The following WDR90 variants were observed in gnomAD, a reference collection of about 807,000 sequenced individuals.
The protein encoded by WDR90 is WD repeat domain 90.
WDR90 carries 238 observed loss-of-function variants against 195.2 expected under a neutral mutation model. The ratio of observed to expected loss-of-function variants is 1.22; its 90% CI spans 1.10 to 1.36. The LOEUF (loss-of-function observed/expected upper bound fraction) is 1.36. Ranked by LOEUF, WDR90 falls within the 40% of genes most tolerant of loss-of-function variation. The pLI is 0.00. For missense variants in WDR90, 2,734 were observed against 2,439.5 expected, an observed-to-expected ratio of 1.12 and a Z score of -2.54; for synonymous variants, 1,265 against 1,052.4, an observed-to-expected ratio of 1.20 and a Z score of -3.91.
At chr16:660,279 T>C (rs959333630) in intron 27 of WDR90, 118 bp downstream of exon 27, 2 of 961,162 alleles carry the variant, frequency 2.1e-6, no homozygotes, top group South Asian at 1.7e-5. Context: ...GCTCTGGCCC[T>C]TGGGCGCCTG....
intron 33 of WDR90, 142 bp from the exon 34 acceptor site, chr16:662,537 G>C (rs1040567938): frequency 6.9e-6 from 9 of 1,298,260 alleles, no homozygotes; most frequent in Non-Finnish European, 9.4e-6. Flanking sequence ...AGCTCCATGG[G>C]CTTTCTCTTC....
chr16:657,194 C>T lies in WDR90; in HGVS notation c.2446C>T (p.Pro816Ser). The T allele has an allele frequency of 1.9e-6, 3 of 1,554,502 alleles. No individual in the cohort carries two copies. Among genetic ancestry groups the T allele is most frequent in the East Asian group, 2.4e-5 (1 of 41,200 alleles). The part of the protein sequence containing the change: ...GSLAQYSCAD[P>S]QWHVLRVAAD... ...CCTGGCCCAGTACAGCTGTGCGGAC[C>T]CCCAGTGGCATGTCCTCCGAGTGGC... Residue 816 changes from proline to serine, a missense_variant, in exon 20 of 41, where the codon CCC becomes TCC. Pro to Ser is a moderately conservative substitution (Grantham distance 74). Transcript: ENST00000293879.
In WDR90 at chr16:658,611, C is replaced by T. The variant is rs1340141809; in HGVS notation, c.2853C>T (p.Ile951=). Residue 951 remains isoleucine, a synonymous_variant, in exon 23 of 41, where the codon ATC becomes ATT. Transcript: ENST00000293879. The part of the protein sequence containing the change: ...RFLLIAAGRT[I]KVWDYATQAS... ...TGCTGATTGCCGCCGGCCGGACCAT[C>T]AAGGTGTGGGACTACGCCACACAGG... is the stretch of plus-strand genomic sequence containing the variant. 4 of 1,612,704 alleles carry T rather than the reference C, an allele frequency of 2.5e-6. No individual in the cohort carries two copies.
chr16:649,511 C>T (rs2037594587), intron 1 of WDR90, 85 bp downstream of exon 1: 7 of 1,261,090 alleles, frequency 5.6e-6, no homozygotes, highest in Non-Finnish European at 7.0e-6. Flanking sequence ...GCTCAGGGCC[C>T]CCGCCTAGGC....
rs905211007 is a variant in WDR90 at position 656,292 on chromosome 16, C to G, written c.1967-10C>G. 1.2e-6 allele frequency: 2 copies of G among 1,601,706 alleles called. No homozygotes were observed. The highest frequency in any genetic ancestry group is 1.7e-6 in the Non-Finnish European group (2 of 1,175,036). On this transcript the variant is annotated splice_polypyrimidine_tract_variant and intron_variant, in intron 17 of 40. Transcript: ENST00000293879. The stretch of plus-strand genomic sequence containing the variant: ...GGCCCTGGAGGCCCCTGACCCCACC[C>G]CACCCACAGAGCACGAGGGCCCCGT...
rs777642452 is a variant in WDR90 at position 659,008 on chromosome 16, A to T, written c.3008A>T (p.Glu1003Val). Residue 1003 changes from glutamate (E) to valine (V), a missense_variant, in exon 24 of 41, where the codon GAG becomes GTG. Physicochemically the swap from Glu to Val is moderately radical, Grantham distance 121 (BLOSUM62 -2). Transcript: ENST00000293879. ...VFLWDVLAPTESDQSFPGAPP... is the reference protein window; with the variant it reads ...VFLWDVLAPTVSDQSFPGAPP... ...CTCTGGGATGTCCTGGCCCCTACTG[A>T]GAGGCAAGTGCCTACTCTCAGCTGT... 8.7e-6 allele frequency: 14 copies of T among 1,612,900 alleles called. No individual in the cohort carries two copies. The Admixed American group carries it at 2.3e-4, about 27-fold the overall frequency.
chr16:652,188 G>A (rs894889324), intron 9 of WDR90, 149 bp downstream of exon 9: 10 of 999,990 alleles, frequency 1.0e-5, no homozygotes, highest in Middle Eastern at 3.1e-4. Flanking sequence ...GGCGGGAGGC[G>A]GCTTTGGGGA....
chr16:666,742 G>T lies in WDR90; in HGVS notation c.4954G>T (p.Gly1652Cys), dbSNP rs941227389. ...PWDGALLMYV[G>C]PGVYKEVIIY... ...GGATGGGGCGCTCCTGATGTACGTG[G>T]GCCCCGGTGTTTACAAGGAGGTGAT... The change falls in exon 39 of 41, where the codon GGC (glycine) becomes TGC (cysteine). Residue 1652 changes from glycine to cysteine, a missense_variant. By Grantham distance (159) the Gly-to-Cys change is radical. Transcript: ENST00000293879. The T allele has an allele frequency of 6.2e-7, 1 of 1,612,844 alleles. No individual in the cohort carries two copies.
chr16:665,176 T>G, intron 34 of WDR90: 1 of 257,200 alleles, frequency 3.9e-6, no homozygotes, highest in Non-Finnish European at 7.8e-6. Context: ...GCAGCGGTTT[T>G]GGGAGGAGGA....
At chr16:661,537 C>T in intron 30 of WDR90, 36 bp downstream of exon 30, 1 of 1,540,576 alleles carries the variant, frequency 6.5e-7, no homozygotes, top group Admixed American at 1.9e-5. Flanking sequence ...AGGGGCTTCC[C>T]TAGACCCCGG....
intron 20 of WDR90, 163 bp downstream of exon 20, chr16:657,384 C>T (rs1009795310): frequency 8.5e-7 from 1 of 1,182,372 alleles, no homozygotes; most frequent in Non-Finnish European, 1.1e-6. Flanking sequence ...CCTGAGGAGA[C>T]TGTGGTTTAG....
chr16:660,651 C>T lies in WDR90; in HGVS notation c.3328C>T (p.Leu1110=), dbSNP rs775753187. Residue 1110 remains leucine (L), a synonymous_variant, in exon 28 of 41, where the codon CTG becomes TTG. Coordinates refer to ENST00000293879, the MANE Select transcript of WDR90 (RefSeq NM_145294.5). ...TCCCGCCAGCGGTGGGTGGCTGCGT[C>T]TGAAGGCTGTCGTCGGTTACAGCGG... ...PPPASGGWLR[L]KAVVGYSGNG... 2 of 1,581,628 alleles carry T rather than the reference C, an allele frequency of 1.3e-6. No individual in the cohort carries two copies.
At position 655,101 on chromosome 16, in the gene WDR90, G is replaced by C. The variant is rs1232409153; in HGVS notation, c.1510G>C (p.Asp504His). 1 of 1,612,740 alleles carries C rather than the reference G, an allele frequency of 6.2e-7. No homozygotes were observed. The highest frequency in any genetic ancestry group is 8.5e-7 in the Non-Finnish European group (1 of 1,179,884). ...GGTCGTTCTGGCAAAGGCGCACACT[G>C]ACTTTGACGTCCAGGCCTTCCGGGT... The part of the protein sequence containing the change: ...EVVVLAKAHT[D>H]FDVQAFRVTF... The change falls in exon 14 of 41, where the codon GAC (aspartate) becomes CAC (histidine). Residue 504 changes from aspartate (D) to histidine (H), a missense_variant. Asp to His is a moderately conservative substitution (Grantham distance 81, BLOSUM62 -1). Coordinates refer to ENST00000293879, the MANE Select transcript of WDR90 (RefSeq NM_145294.5).
Position 651,733 on chromosome 16 carries a change from C to T in WDR90, c.826C>T (p.Pro276Ser). ...CAGTGTGTCTCCAGTGGTCCAGACG[C>T]CCAGCCCCACAGCCGTGAGTACCCC... ...RFSVSPVVQTPSPTASGRAAL... is the reference protein window; with the variant it reads ...RFSVSPVVQTSSPTASGRAAL... Residue 276 changes from proline (P) to serine (S), a missense_variant, in exon 8 of 41, where the codon CCC becomes TCC. Transcript: ENST00000293879. 1 of 1,613,118 alleles carries T rather than the reference C, an allele frequency of 6.2e-7. No individual in the cohort carries two copies. Among genetic ancestry groups the T allele is most frequent in the Non-Finnish European group, 8.5e-7 (1 of 1,180,008 alleles).
rs761797058 is a variant in WDR90, at chr16:653,354, C to T, written c.1136C>T (p.Pro379Leu). 10 of 1,570,794 alleles carry T rather than the reference C, an allele frequency of 6.4e-6. 1 individual carries two copies. The Admixed American group carries it at 2.0e-4, about 31-fold the overall frequency. ...GHGTRQALWT[P>L]DGAAVVYPCH... ...CCCTTGTGCCAGGCCCTGTGGACCC[C>T]AGACGGGGCGGCTGTCGTGTACCCC... Residue 379 changes from proline to leucine, a missense_variant, in exon 11 of 41, where the codon CCA becomes CTA. Pro to Leu is a moderately conservative substitution (Grantham distance 98). Coordinates refer to ENST00000293879, the MANE Select transcript of WDR90 (RefSeq NM_145294.5).
chr16:666,960 G>A lies in WDR90; in HGVS notation c.5060G>A (p.Gly1687Glu). 6.2e-7 allele frequency: 1 copy of A among 1,610,694 alleles called. No homozygotes were observed. Among genetic ancestry groups the A allele is most frequent in the Non-Finnish European group, 8.5e-7 (1 of 1,178,534 alleles). The change falls in exon 40 of 41, where the codon GGG becomes GAG. Residue 1687 changes from glycine (G) to glutamate (E), a missense_variant. Gly to Glu is a moderately conservative substitution (Grantham distance 98). Coordinates refer to ENST00000293879, the MANE Select transcript of WDR90 (RefSeq NM_145294.5). ...FFAMSLSLSP[G>E]THLLAVGFAE... Reference sequence around the variant, plus strand: ...GCCATGTCCCTGAGCCTGTCCCCCGGGACCCACCTCCTGGCTGTTGGCTTT... The same window carrying A: ...GCCATGTCCCTGAGCCTGTCCCCCGAGACCCACCTCCTGGCTGTTGGCTTT...
At chr16:661,870 G>A in intron 31 of WDR90, 21 bp from the exon 32 acceptor site, 1 of 1,601,028 alleles carries the variant, frequency 6.2e-7, no homozygotes. Flanking sequence ...CTGACCCATG[G>A]CCACTCTCAT....
Position 657,098 on chromosome 16 carries a change from C to T in WDR90, c.2350C>T (p.Arg784Ter), listed in dbSNP as rs751329037. 15 of 1,596,316 alleles carry T rather than the reference C, an allele frequency of 9.4e-6. No homozygotes were observed. The highest frequency in any genetic ancestry group is 4.5e-5 in the South Asian group (4 of 88,816). ...AEVLVEHTCHRGAVTGLTATP... is the reference protein window; with the variant it reads ...AEVLVEHTCH Reference sequence around the variant, plus strand: ...TCCCTGTGTGTGCTGCAGGTGCCACCGAGGAGCTGTCACCGGCCTGACCGC... The same window carrying T: ...TCCCTGTGTGTGCTGCAGGTGCCACTGAGGAGCTGTCACCGGCCTGACCGC... Residue 784 changes from arginine to a stop codon, truncating the protein, a stop_gained, in exon 20 of 41, where the codon CGA becomes TGA. Transcript: ENST00000293879. LOFTEE classifies it high-confidence loss of function.
At chr16:661,315 A>G in intron 29 of WDR90, 27 bp from the exon 30 acceptor site, 1 of 1,567,976 alleles carries the variant, frequency 6.4e-7, no homozygotes, top group South Asian at 1.1e-5. Flanking sequence ...CGGCCTCCCC[A>G]CTCACGCCTG....
Sources: gnomAD v4.1 joint callset for allele counts on GRCh38, gnomAD v4.1.1 for gene constraint, MANE v1.5 for transcripts, NCBI Gene and HGNC (gene_info 2026-07-23, HGNC 2026-07-21) for gene names.